The following AFG1L variants were observed in gnomAD, a reference collection of about 807,000 sequenced individuals.
AFG1L encodes AFG1 like ATPase.
A neutral mutation model predicts 62.2 loss-of-function variants in AFG1L; 53 were observed. The ratio of observed to expected loss-of-function variants is 0.85; its 90% CI spans 0.68 to 1.07. AFG1L has a LOEUF of 1.07. AFG1L is among the 50% of genes least tolerant of loss of function. The probability of loss-of-function intolerance (pLI) is 0.00; values close to 1 mark genes in which losing one functional copy is unlikely to be tolerated. For missense variants in AFG1L, 555 were observed against 590.5 expected (o/e 0.94, Z 0.62); for synonymous variants, 228 against 210.3 (o/e 1.08, Z -0.73).
chr6:108,397,449 A>G (rs1241890774), intron 6 of AFG1L, among the ~76,000 whole-genome samples: 1 of 150,658 alleles, frequency 6.6e-6, no homozygotes, highest in Non-Finnish European at 1.5e-5. Flanking sequence ...TAGAGACGGG[A>G]TTTCACCATG....
chr6:108,364,864 C>CAAAAAAA (rs1562110488), intron 5 of AFG1L, among the ~76,000 whole-genome samples: 1 of 84,340 alleles, frequency 1.2e-5, no homozygotes, highest in Non-Finnish European at 2.1e-5. Context: ...CCTGAGACAG[C>CAAAAAAA]CAAAAAAAAA....
intron 8 of AFG1L, among the ~76,000 whole-genome samples, chr6:108,452,611 C>CGAGCCT (rs1299922474): frequency 6.6e-6 from 1 of 152,148 alleles, no homozygotes; most frequent in Non-Finnish European, 1.5e-5. Flanking sequence ...ACCCCACTTA[C>CGAGCCT]GAGCCTAAAC....
rs762029588 is a variant in AFG1L at position 108,356,748 on chromosome 6, A to G, written c.576A>G (p.Ser192=). 28 of 1,613,244 alleles carry G rather than the reference A, an allele frequency of 1.7e-5. No homozygotes were observed. Among genetic ancestry groups the G allele is most frequent in the South Asian group, 1.6e-4 (15 of 90,958 alleles). The change falls in exon 5 of 13, where the codon TCA becomes TCG. Residue 192 remains serine (S), a synonymous_variant. Coordinates refer to ENST00000368977, the MANE Select transcript of AFG1L (RefSeq NM_145315.5). ...GGAAACCAGGATTCATGGCTAAATCATATGACCCAATAGCTCCCATAGCCG... is the reference window on the plus strand; with the variant it reads ...GGAAACCAGGATTCATGGCTAAATCGTATGACCCAATAGCTCCCATAGCCG... ...PKRKPGFMAK[S]YDPIAPIAEE...
chr6:108,463,007 C>T (rs141040976), intron 8 of AFG1L, among the ~76,000 whole-genome samples: 86 of 152,228 alleles, frequency 5.6e-4, no homozygotes, highest in African/African-American at 2.0e-3. Context: ...TCCCTGGCCT[C>T]AGCCGGGTGC....
chr6:108,353,515 A>C (rs927550977), intron 3 of AFG1L, among the ~76,000 whole-genome samples: 1 of 151,428 alleles, frequency 6.6e-6, no homozygotes, highest in African/African-American at 2.4e-5. Context: ...TACCATTGTT[A>C]TTCTCACCAG....
chr6:108,468,861 C>T (rs1431168308), intron 8 of AFG1L, among the ~76,000 whole-genome samples: 1 of 151,088 alleles, frequency 6.6e-6, no homozygotes. Context: ...CTATTTAGAG[C>T]TCTTCCTTAT....
intron 6 of AFG1L, among the ~76,000 whole-genome samples, chr6:108,395,403 C>CTT (rs71551344): frequency 0.089 from 10,972 of 122,854 alleles, 968 homozygotes; most frequent in African/African-American, 0.19. Context: ...CTTTTCTTTT[C>CTT]TTTTTTTTTT....
At chr6:108,511,614 T>C (rs1774655565) in intron 11 of AFG1L, among the ~76,000 whole-genome samples, 1 of 152,232 alleles carries the variant, frequency 6.6e-6, no homozygotes, top group African/African-American at 2.4e-5. Context: ...TATAGATTCA[T>C]AGCAAAAGTA....
intron 5 of AFG1L, among the ~76,000 whole-genome samples, chr6:108,358,488 A>C (rs1779387434): frequency 6.6e-6 from 1 of 152,170 alleles, no homozygotes; most frequent in African/African-American, 2.4e-5. Flanking sequence ...AATTTTAAAA[A>C]TGTAGATTTC....
At chr6:108,384,215 C>A (rs1245587649) in intron 6 of AFG1L, among the ~76,000 whole-genome samples, 2 of 152,140 alleles carry the variant, frequency 1.3e-5, no homozygotes, top group Non-Finnish European at 2.9e-5. Context: ...CATAGAAAAT[C>A]CAGTCTTTCT....
At chr6:108,426,976 G>A (rs546687295) in intron 7 of AFG1L, among the ~76,000 whole-genome samples, 24 of 152,042 alleles carry the variant, frequency 1.6e-4, no homozygotes, top group African/African-American at 5.8e-4. Flanking sequence ...ATATAGTTTT[G>A]TTTTGTTGTA....
At chr6:108,344,730 C>T (rs1479415736) in intron 2 of AFG1L, 3 of 471,006 alleles carry the variant, frequency 6.4e-6, no homozygotes, top group Non-Finnish European at 1.3e-5. Flanking sequence ...TTTACCCTCC[C>T]TTTCTGAACT....
chr6:108,367,124 A>G (rs977413338), intron 6 of AFG1L, among the ~76,000 whole-genome samples: 3 of 152,134 alleles, frequency 2.0e-5, no homozygotes, highest in Non-Finnish European at 4.4e-5. Context: ...GACCTACCAT[A>G]TAATTTACTT....
At chr6:108,430,427 G>A (rs1771019253) in intron 7 of AFG1L, among the ~76,000 whole-genome samples, 1 of 152,168 alleles carries the variant, frequency 6.6e-6, no homozygotes, top group Admixed American at 6.5e-5. Flanking sequence ...ATATTTAAGG[G>A]TGGTGGAAGT....
chr6:108,444,397 G>A (rs1168872927), intron 7 of AFG1L, among the ~76,000 whole-genome samples: 3 of 152,116 alleles, frequency 2.0e-5, no homozygotes, highest in African/African-American at 4.8e-5. Context: ...AATCAGGATG[G>A]TGACTGCTAA....
At chr6:108,497,290 T>C (rs1433260280) in intron 10 of AFG1L, among the ~76,000 whole-genome samples, 1 of 152,214 alleles carries the variant, frequency 6.6e-6, no homozygotes, top group Non-Finnish European at 1.5e-5. Flanking sequence ...AAAAATGATA[T>C]AACATTCTTA....
intron 7 of AFG1L, among the ~76,000 whole-genome samples, chr6:108,441,365 G>A (rs1343201741): frequency 6.6e-6 from 1 of 152,108 alleles, no homozygotes; most frequent in African/African-American, 2.4e-5. Flanking sequence ...TCAGAAGGGT[G>A]TGCTAACCTC....
chr6:108,337,477 G>T (rs1562092771), intron 2 of AFG1L, among the ~76,000 whole-genome samples: 1 of 152,274 alleles, frequency 6.6e-6, no homozygotes, highest in Non-Finnish European at 1.5e-5. Context: ...AACAAGGATT[G>T]TTTTCTACAC....
At chr6:108,474,847 G>A (rs187885122) in intron 8 of AFG1L, among the ~76,000 whole-genome samples, 195 of 152,024 alleles carry the variant, frequency 1.3e-3, no homozygotes, top group African/African-American at 4.1e-3. Flanking sequence ...TTGTTTCTTC[G>A]CTCTGATGAT....
Sources: gnomAD v4.1 joint callset for allele counts (sites outside exome capture counted in the v4.1 genomes callset) on GRCh38, gnomAD v4.1.1 for gene constraint, MANE v1.5 for transcripts, NCBI Gene and HGNC (gene_info 2026-07-23, HGNC 2026-07-21) for gene names.